Variants in STK3 observed in about 807,000 individuals in gnomAD.
STK3 encodes serine/threonine kinase 3.
STK3 carries 41 observed loss-of-function variants against 58.0 expected under a neutral mutation model. The ratio of observed to expected loss-of-function variants is 0.71; its 90% CI spans 0.55 to 0.92. The LOEUF is 0.92. Among genes scored for constraint, STK3 ranks in the 40% least tolerant of loss-of-function variants. STK3 has a pLI of 0.00. For missense variants in STK3, 479 were observed against 602.7 expected (o/e 0.79, Z 2.15); for synonymous variants, 170 against 191.0 (o/e 0.89, Z 0.91).
intron 1 of STK3, among the ~76,000 whole-genome samples, chr8:98,786,068 A>C (rs1832448051): frequency 1.3e-5 from 2 of 152,230 alleles, no homozygotes; most frequent in African/African-American, 2.4e-5. Context: ...CATGGGTTGC[A>C]AGGAAGCTCA....
At chr8:98,441,515 G>A (rs562856549) in intron 1 of STK3, among the ~76,000 whole-genome samples, 1 of 152,290 alleles carries the variant, frequency 6.6e-6, no homozygotes, top group South Asian at 2.1e-4. Flanking sequence ...GCAGAGCTGG[G>A]TTCTAGCCCC....
chr8:98,887,934 T>C (rs1587804499), intron 1 of STK3, among the ~76,000 whole-genome samples: 1 of 152,142 alleles, frequency 6.6e-6, no homozygotes, highest in African/African-American at 2.4e-5. Context: ...TGTGACAAGA[T>C]GCCAGACAGT....
intron 1 of STK3, chr8:98,438,708 GTC>G (rs1201559182): frequency 6.3e-5 from 1 of 15,896 alleles, no homozygotes; most frequent in Non-Finnish European, 1.1e-4. Flanking sequence ...CTCTGTGTGA[GTC>G]TCTGTGTGTG....
chr8:98,857,663 A>C (rs1189582121), intron 3 of STK3, among the ~76,000 whole-genome samples: 1 of 152,240 alleles, frequency 6.6e-6, no homozygotes, highest in African/African-American at 2.4e-5. Flanking sequence ...AATGCATTAA[A>C]GTCCATTTAA....
chr8:98,687,670 G>T (rs888867200), intron 6 of STK3, among the ~76,000 whole-genome samples: 4 of 152,136 alleles, frequency 2.6e-5, no homozygotes, highest in African/African-American at 9.7e-5. Context: ...TTCATATCTT[G>T]CCAAACTAAG....
chr8:98,605,397 C>G (rs1047614564), intron 6 of STK3, among the ~76,000 whole-genome samples: 1 of 148,408 alleles, frequency 6.7e-6, no homozygotes, highest in African/African-American at 2.5e-5. Flanking sequence ...AGGAAACTTA[C>G]AATCATGGTG....
chr8:98,514,601 C>T (rs1824786037), intron 10 of STK3, among the ~76,000 whole-genome samples: 1 of 151,152 alleles, frequency 6.6e-6, no homozygotes, highest in African/African-American at 2.4e-5. Context: ...CAGCTGTAAT[C>T]GGCCTACATT....
intron 3 of STK3, among the ~76,000 whole-genome samples, chr8:98,872,232 G>T (rs61443657): frequency 6.6e-6 from 1 of 152,238 alleles, no homozygotes; most frequent in East Asian, 1.9e-4. Context: ...ATGTGCTGCT[G>T]GATTCAGTTT....
chr8:98,691,534 T>C (rs758393145), intron 6 of STK3, among the ~76,000 whole-genome samples: 2 of 151,764 alleles, frequency 1.3e-5, no homozygotes, highest in African/African-American at 2.4e-5. Flanking sequence ...GGAAAGACAA[T>C]AAACAGGCAG....
chr8:98,794,990 C>G (rs1174523814), intron 1 of STK3, among the ~76,000 whole-genome samples: 1 of 141,342 alleles, frequency 7.1e-6, no homozygotes, highest in Non-Finnish European at 1.5e-5. Context: ...ATGGCTTGAA[C>G]CCGGGAGGCA....
chr8:98,795,093 AAAAAAAAAAAATAT>A (rs1401787438), intron 1 of STK3, among the ~76,000 whole-genome samples: 37 of 65,280 alleles, frequency 5.7e-4, no homozygotes, highest in African/African-American at 2.3e-3. Context: ...AAAAAAAAAA[AAAAAAAAAAAATAT>A]ATATATATAT....
At chr8:98,528,720 T>A (rs1825929696) in intron 9 of STK3, among the ~76,000 whole-genome samples, 1 of 152,096 alleles carries the variant, frequency 6.6e-6, no homozygotes, top group Non-Finnish European at 1.5e-5. Flanking sequence ...TTCTTAAGAA[T>A]TTTTTGTGGG....
chr8:98,614,492 C>T (rs1817490968), intron 6 of STK3, among the ~76,000 whole-genome samples: 1 of 152,204 alleles, frequency 6.6e-6, no homozygotes, highest in African/African-American at 2.4e-5. Flanking sequence ...CGGTCTACAG[C>T]TCCCAGCGAG....
intron 3 of STK3, among the ~76,000 whole-genome samples, chr8:98,845,649 C>T (rs1276461277): frequency 6.6e-6 from 1 of 152,126 alleles, no homozygotes; most frequent in East Asian, 1.9e-4. Context: ...GTTATTTTTA[C>T]CTTTATAAGT....
chr8:98,644,762 A>G (rs1334637369), intron 6 of STK3, among the ~76,000 whole-genome samples: 2 of 152,220 alleles, frequency 1.3e-5, no homozygotes, highest in Non-Finnish European at 2.9e-5. Context: ...TGATACCAGC[A>G]TGTTTTAATA....
chr8:98,452,117 T>C (rs1819225536), downstream of STK3, among the ~76,000 whole-genome samples: 1 of 152,214 alleles, frequency 6.6e-6, no homozygotes, highest in East Asian at 1.9e-4. Context: ...TGAATGCTAA[T>C]CAGTAATTTG....
At chr8:98,864,541 A>G (rs1216846623) in intron 3 of STK3, among the ~76,000 whole-genome samples, 1 of 152,170 alleles carries the variant, frequency 6.6e-6, no homozygotes, top group African/African-American at 2.4e-5. Context: ...GAGTACTTCC[A>G]TTGTCTCTAC....
chr8:98,776,662 G>C (rs984499551), intron 1 of STK3, among the ~76,000 whole-genome samples: 1 of 151,924 alleles, frequency 6.6e-6, no homozygotes. Flanking sequence ...AGACACAGTT[G>C]TGCATACCTG....
intron 6 of STK3, among the ~76,000 whole-genome samples, chr8:98,609,907 C>T (rs1741433154): frequency 6.6e-6 from 1 of 151,328 alleles, no homozygotes; most frequent in African/African-American, 2.4e-5. Flanking sequence ...TTGCAGTGAG[C>T]CGAGATCAGA....
Sources: gnomAD v4.1 joint callset for allele counts (sites outside exome capture counted in the v4.1 genomes callset) on GRCh38, gnomAD v4.1.1 for gene constraint, MANE v1.5 for transcripts, NCBI Gene and HGNC (gene_info 2026-07-23, HGNC 2026-07-21) for gene names.